Variants in TTC7B observed in about 807,000 individuals in gnomAD.
The protein encoded by TTC7B is tetratricopeptide repeat protein 7B.
TTC7B carries 28 observed loss-of-function variants against 106.8 expected under a neutral mutation model. That is an observed-to-expected ratio of 0.26 (90% CI 0.19 to 0.36). TTC7B has a LOEUF of 0.36. Ranked by LOEUF, TTC7B falls within the 10% of genes least tolerant of loss-of-function variation. The pLI, the probability that TTC7B is intolerant of heterozygous loss-of-function variation, is 1.00. For missense variants in TTC7B, 862 were observed against 1,076.4 expected, an observed-to-expected ratio of 0.80 and a Z score of 2.79; for synonymous variants, 405 against 430.6, an observed-to-expected ratio of 0.94 and a Z score of 0.74.
At chr14:90,746,881 T>G (rs1228824042) in intron 3 of TTC7B, among the ~76,000 whole-genome samples, 1 of 152,204 alleles carries the variant, frequency 6.6e-6, no homozygotes, top group Non-Finnish European at 1.5e-5. Flanking sequence ...CCAAGTTAAT[T>G]CCATCATGAT....
At chr14:90,613,053 A>G (rs567818607) in intron 16 of TTC7B, among the ~76,000 whole-genome samples, 1 of 152,194 alleles carries the variant, frequency 6.6e-6, no homozygotes, top group Non-Finnish European at 1.5e-5. Flanking sequence ...GCAACAATCA[A>G]CTATTCAACA....
At chr14:90,792,816 A>T (rs929651752) in intron 1 of TTC7B, among the ~76,000 whole-genome samples, 1 of 152,112 alleles carries the variant, frequency 6.6e-6, no homozygotes, top group Admixed American at 6.6e-5. Flanking sequence ...CAAGATGGAA[A>T]ATGTGGGGAA....
intron 1 of TTC7B, among the ~76,000 whole-genome samples, chr14:90,788,766 C>T (rs1189949360): frequency 1.2e-5 from 1 of 80,762 alleles, no homozygotes. Context: ...AGATTGAGAT[C>T]AACCTGGCAA....
intron 5 of TTC7B, among the ~76,000 whole-genome samples, chr14:90,703,585 A>T (rs549079339): frequency 6.6e-6 from 1 of 152,302 alleles, no homozygotes; most frequent in South Asian, 2.1e-4. Flanking sequence ...TTTGAAAGAA[A>T]GGGAAAAAAA....
chr14:90,610,931 A>T, intron 16 of TTC7B, 92 bp from the exon 17 acceptor site: 1 of 851,354 alleles, frequency 1.2e-6, no homozygotes, highest in Non-Finnish European at 2.0e-6. Context: ...AAGGCCAATG[A>T]ATACTTTCTG....
chr14:90,695,254 CAT>C (rs201218562), intron 6 of TTC7B, among the ~76,000 whole-genome samples: 7,952 of 126,742 alleles, frequency 0.063, 152 homozygotes, highest in South Asian at 0.13. Flanking sequence ...ATTTTATATA[CAT>C]ATATATGTCA....
intron 3 of TTC7B, chr14:90,773,005 G>A (rs1890914417): frequency 6.6e-6 from 1 of 152,118 alleles, no homozygotes; most frequent in Admixed American, 6.6e-5. Context: ...AAATTGTGGG[G>A]GATGAAACAA....
At chr14:90,633,961 G>A (rs554120792) in intron 15 of TTC7B, among the ~76,000 whole-genome samples, 5 of 151,706 alleles carry the variant, frequency 3.3e-5, no homozygotes, top group South Asian at 2.1e-4. Flanking sequence ...TGCAACCTCC[G>A]CCTCCCAGGT....
chr14:90,573,464 G>A (rs549479729), intron 19 of TTC7B, among the ~76,000 whole-genome samples: 22 of 120,880 alleles, frequency 1.8e-4, no homozygotes, highest in Middle Eastern at 0.01. Context: ...GTCCCTCTCC[G>A]GCTCACAGGC....
chr14:90,654,426 T>G (rs114544823), intron 12 of TTC7B, among the ~76,000 whole-genome samples: 219 of 152,326 alleles, frequency 1.4e-3, no homozygotes, highest in African/African-American at 5.2e-3. Flanking sequence ...ACAAGATTTT[T>G]TCTTAGCTAG....
intron 9 of TTC7B, among the ~76,000 whole-genome samples, chr14:90,674,416 T>G (rs1886747434): frequency 6.6e-6 from 1 of 152,222 alleles, no homozygotes. Flanking sequence ...ACACAGTTGG[T>G]GAATGCTCGC....
At chr14:90,686,504 G>C (rs1017625033) in intron 7 of TTC7B, among the ~76,000 whole-genome samples, 7 of 152,126 alleles carry the variant, frequency 4.6e-5, no homozygotes, top group Non-Finnish European at 8.8e-5. Flanking sequence ...AAAATAAAAT[G>C]CATCTAGGTT....
chr14:90,765,379 G>T (rs1470305542), intron 3 of TTC7B, among the ~76,000 whole-genome samples: 2 of 152,270 alleles, frequency 1.3e-5, no homozygotes, highest in East Asian at 3.9e-4. Context: ...AAAATTTTCT[G>T]AAATTGATTG....
chr14:90,525,481 C>T lies in TTC7B; in HGVS notation c.*15887G>A, dbSNP rs964335968. 9 of 144,060 alleles carry T rather than the reference C, an allele frequency of 6.2e-5. 1 individual carries two copies. Among genetic ancestry groups the T allele is most frequent in the Non-Finnish European group, 9.2e-5 (6 of 65,024 alleles). The allele number at this position is 144,060 out of a possible 1,614,324, so 8.9% of individuals were successfully genotyped here. On this transcript the variant is annotated 3_prime_UTR_variant, in exon 20 of 20. Coordinates refer to ENST00000328459, the MANE Select transcript of TTC7B (RefSeq NM_001010854.2). ...TGTCCCTTTCTGAGGCCTCGGACCG[C>T]ACCGCTTTCGCCCTGCGGCCCGGCT...
chr14:90,632,413 G>A (rs1884740231), intron 15 of TTC7B, among the ~76,000 whole-genome samples: 1 of 152,062 alleles, frequency 6.6e-6, no homozygotes, highest in South Asian at 2.1e-4. Context: ...GTGCCCGAGT[G>A]AAAAAGAAAC....
intron 2 of TTC7B, among the ~76,000 whole-genome samples, chr14:90,784,119 G>A (rs1022141368): frequency 6.6e-5 from 10 of 152,058 alleles, no homozygotes; most frequent in Non-Finnish European, 1.5e-4. Context: ...CAGGACACTT[G>A]AGTCTGGCTG....
chr14:90,736,609 G>C (rs1889539029), intron 4 of TTC7B, among the ~76,000 whole-genome samples: 2 of 152,014 alleles, frequency 1.3e-5, no homozygotes, highest in African/African-American at 4.8e-5. Flanking sequence ...ATGAGGCCAG[G>C]CTTGGTGGCT....
At chr14:90,756,384 G>GTTTTTTTTTTTTTGTTTTTTT (rs369068692) in intron 3 of TTC7B, among the ~76,000 whole-genome samples, 1 of 126,780 alleles carries the variant, frequency 7.9e-6, no homozygotes, top group Non-Finnish European at 1.6e-5. Flanking sequence ...TTTTTTTTTT[G>GTTTTTTTTTTTTTGTTTTTTT]TTTTTTTTTT....
intron 16 of TTC7B, among the ~76,000 whole-genome samples, chr14:90,613,084 C>CGTGG (rs1339348940): frequency 1.3e-5 from 2 of 152,200 alleles, no homozygotes; most frequent in African/African-American, 4.8e-5. Flanking sequence ...TTTGTTTCCA[C>CGTGG]ATTCAATGTT....
Sources: gnomAD v4.1 joint callset for allele counts (sites outside exome capture counted in the v4.1 genomes callset) on GRCh38, gnomAD v4.1.1 for gene constraint, MANE v1.5 for transcripts, NCBI Gene and HGNC (gene_info 2026-07-23, HGNC 2026-07-21) for gene names.